Variants in ZNF676 observed in about 807,000 individuals in gnomAD.
ZNF676 encodes zinc finger protein 676.
Under a neutral mutation model 6.0 loss-of-function variants are expected in ZNF676, and 4 were observed. The ratio of observed to expected loss-of-function variants is 0.67; its 90% CI spans 0.33 to 1.53. ZNF676 has a LOEUF of 1.53. ZNF676 is among the 40% of genes most tolerant of loss of function. The probability of loss-of-function intolerance (pLI) is 0.06; values close to 1 mark genes in which losing one functional copy is unlikely to be tolerated. For synonymous variants in ZNF676, 198 were observed against 223.1 expected (o/e 0.89, Z 1.00); for missense variants, 644 against 679.7 (o/e 0.95, Z 0.58).
chr19:22,179,778 A>G lies in ZNF676; in HGVS notation c.*172T>C, dbSNP rs1367745692. 1 of 845,180 alleles carries G rather than the reference A, an allele frequency of 1.2e-6. No individual in the cohort carries two copies. The highest frequency in any genetic ancestry group is 1.5e-5 in the South Asian group (1 of 68,206). 52.4% of individuals were successfully genotyped at this position (845,180 alleles called of 1,614,324 possible). The stretch of plus-strand genomic sequence containing the variant: ...GGTTGAAGCCTTTGTCACATTCTTC[A>G]CGTTTGTAGTGTTTCTCTCCAGCAT... On this transcript the variant is annotated 3_prime_UTR_variant, in exon 3 of 3. Coordinates refer to ENST00000397121, the MANE Select transcript of ZNF676 (RefSeq NM_001001411.3).
chr19:22,190,893 A>G (rs986947659), intron 2 of ZNF676, among the ~76,000 whole-genome samples: 3 of 151,986 alleles, frequency 2.0e-5, no homozygotes, highest in Non-Finnish European at 4.4e-5. Context: ...TCAGCCATAA[A>G]AAGACAAAGA....
rs74174059 is a variant in ZNF676, at chr19:22,190,630, CATATATATATATATATATATATATAT to C, written c.130+2360_130+2385del. On this transcript the variant is annotated intron_variant, in intron 2 of 2. Transcript: ENST00000397121. ...ATTAGACTAATAAAATAGAATGCAA[CATATATATATATATATATATATATAT>C]ATATATATACATACACACTTTAAGA... 6.1e-4 allele frequency among the ~76,000 whole-genome samples: 41 copies of C among 66,820 alleles called. 1 individual carries two copies. In the South Asian group the frequency reaches 0.037, roughly 60 times the overall value. 43.8% of individuals were successfully genotyped at this position (66,820 alleles called of 152,430 possible). A position where few individuals can be genotyped will look rare whatever the true frequency, so the allele number is the denominator to read the frequency against.
rs143060311 is a variant in ZNF676, at chr19:22,184,690, G to A, written c.131-3104C>T. On this transcript the variant is annotated intron_variant, in intron 2 of 2. Coordinates refer to ENST00000397121, the MANE Select transcript of ZNF676 (RefSeq NM_001001411.3). Reference sequence around the variant, plus strand: ...AGCTCGAGCTTGGTGGGGGAAGGGCGTCTGCCATTGCTGAGGCTTGAGTAG... The same window carrying A: ...AGCTCGAGCTTGGTGGGGGAAGGGCATCTGCCATTGCTGAGGCTTGAGTAG... Among the ~76,000 whole-genome samples the A allele has an allele frequency of 4.1e-3, 630 of 151,932 alleles. 5 individuals carry two copies. Among genetic ancestry groups the A allele is most frequent in the African/African-American group, 0.014 (589 of 41,462 alleles).
intron 1 of ZNF676, among the ~76,000 whole-genome samples, chr19:22,196,095 T>C (rs938878742): frequency 2.6e-5 from 4 of 152,130 alleles, no homozygotes; most frequent in African/African-American, 9.7e-5. Flanking sequence ...TTTATTTGAT[T>C]AATGCATAAA....
At chr19:22,187,951 G>A (rs1397325920) in intron 2 of ZNF676, among the ~76,000 whole-genome samples, 5 of 149,348 alleles carry the variant, frequency 3.3e-5, no homozygotes, top group South Asian at 2.1e-4. Context: ...AAGAAGAGCC[G>A]ATTCTTTCTG....
chr19:22,233,418 A>AT, the ZNF676 span, among the ~76,000 whole-genome samples: 2 of 145,818 alleles, frequency 1.4e-5, no homozygotes, highest in African/African-American at 5.1e-5. Flanking sequence ...ATATTTGGAC[A>AT]TTTTTTAAAA....
intron 1 of ZNF676, among the ~76,000 whole-genome samples, chr19:22,213,826 G>GC (rs1311496652): frequency 2.0e-5 from 3 of 152,130 alleles, no homozygotes; most frequent in Non-Finnish European, 4.4e-5. Flanking sequence ...CAGTATCTTG[G>GC]TTTTTCCCCA....
chr19:22,238,885 G>T, the ZNF676 span, among the ~76,000 whole-genome samples: 13 of 152,276 alleles, frequency 8.5e-5, no homozygotes, highest in African/African-American at 2.4e-4. Context: ...TTCTGGCCAC[G>T]TTGGCAGTTG....
At chr19:22,242,825 T>C in the ZNF676 span, among the ~76,000 whole-genome samples, 1 of 145,800 alleles carries the variant, frequency 6.9e-6, no homozygotes, top group African/African-American at 2.6e-5. Context: ...CTAGATTATA[T>C]GTTGCAATTA....
the ZNF676 span, among the ~76,000 whole-genome samples, chr19:22,247,631 C>T: frequency 6.3e-5 from 9 of 142,224 alleles, no homozygotes; most frequent in African/African-American, 1.9e-4. Context: ...AAAAAATCGA[C>T]GAGGCAGGCC....
intron 2 of ZNF676, among the ~76,000 whole-genome samples, chr19:22,184,490 G>A (rs1337499423): frequency 6.6e-6 from 1 of 152,016 alleles, no homozygotes; most frequent in Non-Finnish European, 1.5e-5. Context: ...CCATACCCCA[G>A]TATAGTGCCC....
At chr19:22,189,409 T>C (rs916203589) in intron 2 of ZNF676, among the ~76,000 whole-genome samples, 1 of 151,906 alleles carries the variant, frequency 6.6e-6, no homozygotes, top group African/African-American at 2.4e-5. Flanking sequence ...CCCCAAACCA[T>C]AAAAATCCTA....
intron 2 of ZNF676, among the ~76,000 whole-genome samples, chr19:22,182,685 C>G (rs2023777511): frequency 7.0e-6 from 1 of 143,414 alleles, no homozygotes; most frequent in Admixed American, 6.9e-5. Flanking sequence ...AAAAAAAGAG[C>G]TTTCAAAATA....
intron 1 of ZNF676, among the ~76,000 whole-genome samples, chr19:22,213,919 C>A (rs1041673310): frequency 6.6e-6 from 1 of 152,092 alleles, no homozygotes; most frequent in Non-Finnish European, 1.5e-5. Context: ...AAAGGGAAAC[C>A]CTGACCCAAA....
upstream of ZNF676, among the ~76,000 whole-genome samples, chr19:22,220,077 A>T (rs1381128186): frequency 1.3e-5 from 2 of 152,236 alleles, no homozygotes; most frequent in African/African-American, 4.8e-5. Flanking sequence ...TGAGATAATC[A>T]TATAATTTTT....
the ZNF676 span, among the ~76,000 whole-genome samples, chr19:22,246,770 C>T: frequency 6.6e-6 from 1 of 152,314 alleles, no homozygotes; most frequent in South Asian, 2.1e-4. Context: ...AGTGATAAGC[C>T]ACTCTTCCTT....
At chr19:22,243,056 C>G in the ZNF676 span, among the ~76,000 whole-genome samples, 5 of 151,834 alleles carry the variant, frequency 3.3e-5, no homozygotes, top group Non-Finnish European at 7.3e-5. Context: ...ACTCTCCCTT[C>G]TATGGGCATG....
chr19:22,242,871 T>C, the ZNF676 span, among the ~76,000 whole-genome samples: 2 of 151,714 alleles, frequency 1.3e-5, no homozygotes, highest in South Asian at 2.1e-4. Context: ...AGAAGGGAGT[T>C]ACATTATGTA....
At chr19:22,220,468 T>A (rs2606263), upstream of ZNF676, among the ~76,000 whole-genome samples, 1 of 147,798 alleles carries the variant, frequency 6.8e-6, no homozygotes, top group Admixed American at 6.7e-5. Flanking sequence ...GCAGTTTTTT[T>A]TTTTTTTTTT....
Sources: allele counts gnomAD v4.1 joint callset (sites outside exome capture counted in the v4.1 genomes callset), GRCh38; gene constraint gnomAD v4.1.1; transcripts MANE v1.5; gene names NCBI Gene and HGNC (gene_info 2026-07-23, HGNC 2026-07-21).